Variants in MALRD1 observed in about 807,000 individuals in gnomAD.
MALRD1 encodes MAM and LDL-receptor class A domain-containing protein 1.
A neutral mutation model predicts 242.1 loss-of-function variants in MALRD1; 247 were observed. The ratio of observed to expected loss-of-function variants is 1.02; its 90% CI spans 0.92 to 1.13. MALRD1 has a LOEUF of 1.13. Ranked by LOEUF, MALRD1 falls within the 50% of genes most tolerant of loss-of-function variation. The pLI is 0.00. For missense variants in MALRD1, 2,989 were observed against 2,533.1 expected (o/e 1.18, Z -3.86); for synonymous variants, 995 against 866.6 (o/e 1.15, Z -2.60).
intron 36 of MALRD1, among the ~76,000 whole-genome samples, chr10:19,648,066 C>T (rs1840724893): frequency 6.6e-6 from 1 of 152,086 alleles, no homozygotes; most frequent in South Asian, 2.1e-4. Flanking sequence ...GGAGGAGGAA[C>T]CTCTGCAGAA....
chr10:19,586,540 G>T (rs1837413649), intron 33 of MALRD1, among the ~76,000 whole-genome samples: 1 of 152,166 alleles, frequency 6.6e-6, no homozygotes, highest in Non-Finnish European at 1.5e-5. Flanking sequence ...GGCTGCTCAG[G>T]GGTCAGGGGT....
chr10:19,224,433 T>C (rs1837699095), intron 18 of MALRD1, among the ~76,000 whole-genome samples: 1 of 152,054 alleles, frequency 6.6e-6, no homozygotes, highest in South Asian at 2.1e-4. Flanking sequence ...ATTACAGGTA[T>C]ATGCCACCAC....
chr10:19,504,664 A>ATTTTTT (rs759213931), intron 31 of MALRD1, among the ~76,000 whole-genome samples: 33 of 97,592 alleles, frequency 3.4e-4, no homozygotes, highest in African/African-American at 6.9e-4. Context: ...ATTGTAACAC[A>ATTTTTT]TTTTTTTTTT....
At chr10:19,709,502 C>A (rs555640536) in intron 38 of MALRD1, among the ~76,000 whole-genome samples, 2 of 152,156 alleles carry the variant, frequency 1.3e-5, no homozygotes, top group South Asian at 2.1e-4. Context: ...CAAAGTTAAT[C>A]TCTTTTATGA....
At chr10:19,419,474 G>T (rs984919862) in intron 28 of MALRD1, among the ~76,000 whole-genome samples, 9 of 151,822 alleles carry the variant, frequency 5.9e-5, no homozygotes, top group South Asian at 2.1e-4. Flanking sequence ...TAATTTTTTT[G>T]TTGTTGTTAT....
intron 11 of MALRD1, among the ~76,000 whole-genome samples, chr10:19,152,487 A>G (rs934679529): frequency 8.7e-5 from 13 of 149,742 alleles, no homozygotes; most frequent in African/African-American, 3.3e-4. Flanking sequence ...TTTTCATCTA[A>G]CCAGAGAGTT....
At chr10:19,681,831 G>C (rs1007888309) in intron 36 of MALRD1, among the ~76,000 whole-genome samples, 23 of 146,222 alleles carry the variant, frequency 1.6e-4, no homozygotes, top group African/African-American at 5.8e-4. Flanking sequence ...ACTGACCTTT[G>C]GATGGGGTTT....
intron 35 of MALRD1, among the ~76,000 whole-genome samples, chr10:19,612,106 A>G (rs943346550): frequency 3.3e-5 from 5 of 152,032 alleles, no homozygotes; most frequent in African/African-American, 7.2e-5. Flanking sequence ...TCATGTTTCA[A>G]TAAAACAAAA....
chr10:19,716,284 T>G (rs2131888517), intron 38 of MALRD1, among the ~76,000 whole-genome samples: 1 of 152,294 alleles, frequency 6.6e-6, no homozygotes, highest in East Asian at 1.9e-4. Context: ...TGGAGCCTGC[T>G]GGGAGGTGAT....
At chr10:19,586,772 C>T (rs1416044575) in intron 33 of MALRD1, among the ~76,000 whole-genome samples, 1 of 152,262 alleles carries the variant, frequency 6.6e-6, no homozygotes, top group Non-Finnish European at 1.5e-5. Flanking sequence ...AGCTTCCTGG[C>T]TGCTTTGTTT....
intron 36 of MALRD1, among the ~76,000 whole-genome samples, chr10:19,620,045 T>C (rs1839334364): frequency 6.7e-6 from 1 of 149,898 alleles, no homozygotes; most frequent in African/African-American, 2.5e-5. Context: ...ATATTGTTTA[T>C]ATTTTGTGGC....
intron 21 of MALRD1, among the ~76,000 whole-genome samples, chr10:19,303,084 T>C (rs191377969): frequency 1.7e-4 from 26 of 151,600 alleles, no homozygotes; most frequent in African/African-American, 6.3e-4. Flanking sequence ...AAGACAAAGA[T>C]AGACTGGATG....
At chr10:19,123,663 G>A (rs1162968406) in intron 6 of MALRD1, 70 bp downstream of exon 6, 39 of 859,036 alleles carry the variant, frequency 4.5e-5, no homozygotes, top group Non-Finnish European at 5.9e-5. Flanking sequence ...CCACTCACAG[G>A]AAAGTGCACG....
intron 36 of MALRD1, among the ~76,000 whole-genome samples, chr10:19,676,236 T>A (rs151104414): frequency 2.0e-5 from 3 of 152,250 alleles, no homozygotes; most frequent in African/African-American, 7.2e-5. Context: ...GGGAAAGTAG[T>A]AAAGGTTTTG....
chr10:19,182,133 C>G (rs1210364592), intron 14 of MALRD1, among the ~76,000 whole-genome samples: 1 of 151,954 alleles, frequency 6.6e-6, no homozygotes, highest in Non-Finnish European at 1.5e-5. Flanking sequence ...ATTAACAGTT[C>G]TAGGCCTGTC....
At chr10:19,602,370 G>A (rs1419249232) in intron 34 of MALRD1, among the ~76,000 whole-genome samples, 15 of 125,224 alleles carry the variant, frequency 1.2e-4, no homozygotes, top group East Asian at 2.3e-4. Flanking sequence ...GACAGGCCCC[G>A]GTGTGTGATG....
At chr10:19,346,874 T>C (rs1220206915) in intron 24 of MALRD1, among the ~76,000 whole-genome samples, 1 of 152,126 alleles carries the variant, frequency 6.6e-6, no homozygotes, top group Non-Finnish European at 1.5e-5. Context: ...GGTCTTGAAC[T>C]CCTGACCTTA....
At chr10:19,323,821 G>C (rs1843001274) in intron 21 of MALRD1, 128 bp from the exon 22 acceptor site, 6 of 729,792 alleles carry the variant, frequency 8.2e-6, no homozygotes, top group Admixed American at 2.8e-5. Context: ...ATGGTAGCCA[G>C]GCTGGTCTCG....
chr10:19,646,871 T>C (rs1840684086), intron 36 of MALRD1, among the ~76,000 whole-genome samples: 1 of 152,168 alleles, frequency 6.6e-6, no homozygotes, highest in Non-Finnish European at 1.5e-5. Flanking sequence ...AGGCATTGCA[T>C]TGTAGTTTAA....
Sources: allele counts gnomAD v4.1 joint callset (sites outside exome capture counted in the v4.1 genomes callset), GRCh38; gene constraint gnomAD v4.1.1; transcripts MANE v1.5; gene names NCBI Gene and HGNC (gene_info 2026-07-23, HGNC 2026-07-21).